The following MAP3K4 variants were observed in gnomAD, a reference collection of about 807,000 sequenced individuals.
MAP3K4 encodes the protein mitogen-activated protein kinase kinase kinase 4.
Under a neutral mutation model 185.6 loss-of-function variants are expected in MAP3K4, and 67 were observed. The ratio of observed to expected loss-of-function variants is 0.36; its 90% CI spans 0.30 to 0.44. MAP3K4 has a LOEUF of 0.44. MAP3K4 is among the 20% of genes least tolerant of loss of function. The probability of loss-of-function intolerance (pLI) is 1.00; values close to 1 mark genes in which losing one functional copy is unlikely to be tolerated. For synonymous variants in MAP3K4, 702 were observed against 710.4 expected (o/e 0.99, Z 0.19); for missense variants, 1,551 against 1,995.1 (o/e 0.78, Z 4.24).
rs1785406758 is a variant in MAP3K4 at position 161,080,634 on chromosome 6, T to C, written c.2098-247T>C. 2.3e-6 allele frequency: 1 copy of C among 432,052 alleles called. No homozygotes were observed. Among genetic ancestry groups the C allele is most frequent in the African/African-American group, 2.0e-5 (1 of 49,194 alleles). 26.8% of individuals were successfully genotyped at this position (432,052 alleles called of 1,614,324 possible). ...TTGTAGATTGTGAACATTTTTGTTGTTAGGATTTTGAAGGGGTTGTCAATA... is the reference window on the plus strand; with the variant it reads ...TTGTAGATTGTGAACATTTTTGTTGCTAGGATTTTGAAGGGGTTGTCAATA... On this transcript the variant is annotated intron_variant, in intron 5 of 26. Coordinates refer to ENST00000392142, the MANE Select transcript of MAP3K4 (RefSeq NM_005922.4). The surrounding 1 kb of genome is among the most constrained non-coding windows in gnomAD (Gnocchi z 4.8).
Position 161,071,132 on chromosome 6 carries a change from A to G in MAP3K4, c.1950+282A>G, listed in dbSNP as rs1219739622. 6.6e-6 allele frequency among the ~76,000 whole-genome samples: 1 copy of G among 152,200 alleles called. No homozygotes were observed. The highest frequency in any genetic ancestry group is 2.4e-5 in the African/African-American group (1 of 41,450). ...GAAGACTAAAATTTAAAATTCATTC[A>G]TAAGAGGTAGAGTATAAGATTCTTA... On this transcript the variant is annotated intron_variant, in intron 4 of 26. Coordinates refer to ENST00000392142, the MANE Select transcript of MAP3K4 (RefSeq NM_005922.4). The surrounding 1 kb of genome is among the most constrained non-coding windows in gnomAD (Gnocchi z 4.6).
Position 161,107,856 on chromosome 6 carries a change from C to G in MAP3K4, c.4049-43C>G, listed in dbSNP as rs935153544. ...CAAGTTTAAGGAATGTAAGACAGCC[C>G]CCTGCAGTGGCTGGAAGTGCAGCTT... On this transcript the variant is annotated intron_variant, in intron 20 of 26. Transcript: ENST00000392142. The surrounding 1 kb of genome is among the most constrained non-coding windows in gnomAD (Gnocchi z 6.2). The G allele has an allele frequency of 7.4e-7, 1 of 1,359,584 alleles. No homozygotes were observed. The highest frequency in any genetic ancestry group is 1.4e-5 in the African/African-American group (1 of 69,808). 84.2% of individuals were successfully genotyped at this position (1,359,584 alleles called of 1,614,324 possible). A position where few individuals can be genotyped will look rare whatever the true frequency, so the allele number is the denominator to read the frequency against.
intron 1 of MAP3K4, among the ~76,000 whole-genome samples, chr6:161,014,853 A>G (rs750453006): frequency 1.3e-5 from 2 of 152,196 alleles, no homozygotes; most frequent in Non-Finnish European, 2.9e-5. Flanking sequence ...GTCAATTTTC[A>G]AACATTTTAA....
Position 161,082,045 on chromosome 6 carries a change from C to T in MAP3K4, c.2255+1007C>T, listed in dbSNP as rs1785485467. Among the ~76,000 whole-genome samples the T allele has an allele frequency of 6.6e-6, 1 of 152,032 alleles. No individual in the cohort carries two copies. The highest frequency in any genetic ancestry group is 1.5e-5 in the Non-Finnish European group (1 of 68,014). On this transcript the variant is annotated intron_variant, in intron 6 of 26. Transcript: ENST00000392142. The surrounding 1 kb of genome is among the most constrained non-coding windows in gnomAD (Gnocchi z 4.2). The stretch of plus-strand genomic sequence containing the variant: ...TGACTCTGCCGATTTCTCCTATGTT[C>T]AGTCTCGGAATCTCGTATCCACTTC...
chr6:161,033,846 C>T (rs918840217), intron 1 of MAP3K4, among the ~76,000 whole-genome samples: 3 of 152,162 alleles, frequency 2.0e-5, no homozygotes, highest in African/African-American at 7.2e-5. Flanking sequence ...ACTGAACTTG[C>T]CCACTCATCA....
chr6:160,993,023 G>A (rs566716478), intron 1 of MAP3K4, among the ~76,000 whole-genome samples: 62 of 152,230 alleles, frequency 4.1e-4, no homozygotes, highest in African/African-American at 1.4e-3. Context: ...ATGGTTCTAG[G>A]AATAAGGCAG....
At chr6:161,040,252 G>A (rs1783389793) in intron 2 of MAP3K4, among the ~76,000 whole-genome samples, 1 of 152,180 alleles carries the variant, frequency 6.6e-6, no homozygotes, top group African/African-American at 2.4e-5. Flanking sequence ...AATGCATAAG[G>A]CCAGTATGAA....
Position 161,054,037 on chromosome 6 carries a change from G to A in MAP3K4, c.1707+4058G>A, listed in dbSNP as rs1344989332. ...ATTTTGTAGAAAAGAAGAAATACACGTGATGTTTGATTTTTCTTATCTATG... is the reference window on the plus strand; with the variant it reads ...ATTTTGTAGAAAAGAAGAAATACACATGATGTTTGATTTTTCTTATCTATG... On this transcript the variant is annotated intron_variant, in intron 3 of 26. Transcript: ENST00000392142. This position sits in a 1 kb window ranked among gnomAD's most constrained non-coding sequence, Gnocchi z 4.2. Among the ~76,000 whole-genome samples, 2 of 152,224 alleles carry A rather than the reference G, an allele frequency of 1.3e-5. No homozygotes were observed. The highest frequency in any genetic ancestry group is 2.9e-5 in the Non-Finnish European group (2 of 68,040).
intron 7 of MAP3K4, among the ~76,000 whole-genome samples, chr6:161,085,106 A>G (rs889692912): frequency 3.3e-5 from 5 of 151,782 alleles, no homozygotes; most frequent in Non-Finnish European, 5.9e-5. Flanking sequence ...AGATCATGCC[A>G]CTGCACTCCA....
intron 4 of MAP3K4, among the ~76,000 whole-genome samples, chr6:161,072,816 T>G (rs1785009280): frequency 6.6e-6 from 1 of 152,192 alleles, no homozygotes; most frequent in Non-Finnish European, 1.5e-5. Flanking sequence ...CTTTCCAGAT[T>G]GTCTCATTTC....
Position 161,036,265 on chromosome 6 carries a change from G to A in MAP3K4, c.343+1816G>A, listed in dbSNP as rs940515031. ...GAGATCATTTGCTCAAGTTCTTGCCGTTTTTCAGATGAAGAAGCTAATGCT... is the reference window on the plus strand; with the variant it reads ...GAGATCATTTGCTCAAGTTCTTGCCATTTTTCAGATGAAGAAGCTAATGCT... On this transcript the variant is annotated intron_variant, in intron 2 of 26. Coordinates refer to ENST00000392142, the MANE Select transcript of MAP3K4 (RefSeq NM_005922.4). 4.6e-5 allele frequency among the ~76,000 whole-genome samples: 7 copies of A among 152,172 alleles called. 1 individual carries two copies. The highest frequency in any genetic ancestry group is 7.2e-5 in the African/African-American group (3 of 41,442).
chr6:161,114,273 A>C lies in MAP3K4; in HGVS notation c.4627-850A>C, dbSNP rs573256216. ...GATAATATTAATGAGCAGTTATACAAATGTAAAAAGACACGCATGAACTGC... is the reference window on the plus strand; with the variant it reads ...GATAATATTAATGAGCAGTTATACACATGTAAAAAGACACGCATGAACTGC... On this transcript the variant is annotated intron_variant, in intron 25 of 26. Coordinates refer to ENST00000392142, the MANE Select transcript of MAP3K4 (RefSeq NM_005922.4). This position sits in a 1 kb window ranked among gnomAD's most constrained non-coding sequence, Gnocchi z 4.3. Among the ~76,000 whole-genome samples, 1 of 152,214 alleles carries C rather than the reference A, an allele frequency of 6.6e-6. No individual in the cohort carries two copies. Among genetic ancestry groups the C allele is most frequent in the African/African-American group, 2.4e-5 (1 of 41,458 alleles).
rs979564105 is a variant in MAP3K4, at chr6:161,116,204, G to A, written c.4807-646G>A. On this transcript the variant is annotated intron_variant, in intron 26 of 26. Coordinates refer to ENST00000392142, the MANE Select transcript of MAP3K4 (RefSeq NM_005922.4). This position sits in a 1 kb window ranked among gnomAD's most constrained non-coding sequence, Gnocchi z 6.2. ...AGGGTAGGGAAAGAAGCAGCTGGGT[G>A]AGGGGTGGGTCGGGAGGTGGTGGGT... Among the ~76,000 whole-genome samples, 5 of 151,922 alleles carry A rather than the reference G, an allele frequency of 3.3e-5. No homozygotes were observed. The highest frequency in any genetic ancestry group is 1.2e-4 in the African/African-American group (5 of 41,354).
chr6:161,054,070 A>T lies in MAP3K4; in HGVS notation c.1707+4091A>T, dbSNP rs538554224. ...TGATTTTTCTTATCTATGTCTTTAT[A>T]TATTTTTTGATTACGTTACTTATAA... On this transcript the variant is annotated intron_variant, in intron 3 of 26. Coordinates refer to ENST00000392142, the MANE Select transcript of MAP3K4 (RefSeq NM_005922.4). The surrounding 1 kb of genome is among the most constrained non-coding windows in gnomAD (Gnocchi z 4.2). 3.5e-4 allele frequency among the ~76,000 whole-genome samples: 54 copies of T among 152,346 alleles called. No individual in the cohort carries two copies. Among genetic ancestry groups the T allele is most frequent in the African/African-American group, 1.3e-3 (53 of 41,582 alleles).
chr6:161,097,260 C>T lies in MAP3K4; in HGVS notation c.3524+84C>T, dbSNP rs907218744. The stretch of plus-strand genomic sequence containing the variant: ...TACTTTTGAAACTACTAGATGCTTG[C>T]TCTGAGAGCTAAATACCTTTTCTGC... On this transcript the variant is annotated intron_variant, in intron 16 of 26. Coordinates refer to ENST00000392142, the MANE Select transcript of MAP3K4 (RefSeq NM_005922.4). This position sits in a 1 kb window ranked among gnomAD's most constrained non-coding sequence, Gnocchi z 4.9. 4 of 1,111,740 alleles carry T rather than the reference C, an allele frequency of 3.6e-6. No homozygotes were observed. In the African/African-American group the frequency reaches 6.1e-5, roughly 17 times the overall value. 68.9% of individuals were successfully genotyped at this position (1,111,740 alleles called of 1,614,324 possible).
intron 1 of MAP3K4, among the ~76,000 whole-genome samples, chr6:161,031,180 A>T (rs1389682044): frequency 6.6e-6 from 1 of 152,230 alleles, no homozygotes; most frequent in Non-Finnish European, 1.5e-5. Context: ...ATGTATAAGG[A>T]TAAGACAGAT....
chr6:161,038,372 C>T (rs896451413), intron 2 of MAP3K4, among the ~76,000 whole-genome samples: 1 of 152,220 alleles, frequency 6.6e-6, no homozygotes, highest in African/African-American at 2.4e-5. Context: ...GCATGTGACT[C>T]ATAATAATAT....
At chr6:161,081,914 C>A (rs984210589) in intron 6 of MAP3K4, among the ~76,000 whole-genome samples, 1 of 152,188 alleles carries the variant, frequency 6.6e-6, no homozygotes, top group African/African-American at 2.4e-5. Flanking sequence ...GTCCTAGACC[C>A]CATTGCATTT....
In MAP3K4 at chr6:161,061,860, A is replaced by G. The variant is rs1437208756; in HGVS notation, c.1708-8748A>G. On this transcript the variant is annotated intron_variant, in intron 3 of 26. Transcript: ENST00000392142. This position sits in a 1 kb window ranked among gnomAD's most constrained non-coding sequence, Gnocchi z 4.2. ...CCACGTTTTGTTGATCTATTCATAG[A>G]TTTCTTAAAATTTTATTTTTAGGTA... Among the ~76,000 whole-genome samples the G allele has an allele frequency of 1.3e-5, 2 of 152,134 alleles. No individual in the cohort carries two copies. Among genetic ancestry groups the G allele is most frequent in the Admixed American group, 6.5e-5 (1 of 15,272 alleles).
Sources: gnomAD v4.1 joint callset for allele counts (sites outside exome capture counted in the v4.1 genomes callset) on GRCh38, gnomAD v4.1.1 for gene constraint, Gnocchi (gnomAD v3.1) non-coding constraint, MANE v1.5 for transcripts, NCBI Gene and HGNC (gene_info 2026-07-23, HGNC 2026-07-21) for gene names.